Variants in ASTN1 observed in about 807,000 individuals in gnomAD.
ASTN1 encodes the protein astrotactin 1.
Under a neutral mutation model 140.7 loss-of-function variants are expected in ASTN1, and 41 were observed. That is an observed-to-expected ratio of 0.29 (90% CI 0.23 to 0.38). ASTN1 has a LOEUF of 0.38. Among genes scored for constraint, ASTN1 ranks in the 10% least tolerant of loss-of-function variants. ASTN1 has a pLI of 1.00. For missense variants in ASTN1, 1,479 were observed against 1,678.8 expected (o/e 0.88, Z 2.08); for synonymous variants, 640 against 652.2 (o/e 0.98, Z 0.29).
At chr1:176,897,823 A>T (rs1361771786) in intron 16 of ASTN1, among the ~76,000 whole-genome samples, 2 of 152,194 alleles carry the variant, frequency 1.3e-5, no homozygotes, top group Non-Finnish European at 2.9e-5. Flanking sequence ...TATCCTTAAC[A>T]TGGAGTAAAC....
chr1:177,053,212 G>A (rs1677626867), intron 2 of ASTN1, among the ~76,000 whole-genome samples: 1 of 152,184 alleles, frequency 6.6e-6, no homozygotes. Context: ...CTGAGTAGTT[G>A]AAAGTAAATT....
At chr1:176,939,068 C>T (rs1459712534) in intron 14 of ASTN1, among the ~76,000 whole-genome samples, 5 of 151,508 alleles carry the variant, frequency 3.3e-5, no homozygotes, top group South Asian at 2.1e-4. Flanking sequence ...GCTGAGCTCA[C>T]GCCATTGCAC....
Position 176,918,347 on chromosome 1 carries a change from T to C in ASTN1, c.2671+15805A>G, listed in dbSNP as rs1355277452. Among the ~76,000 whole-genome samples the C allele has an allele frequency of 2.0e-5, 3 of 152,302 alleles. No individual in the cohort carries two copies. The East Asian group carries it at 5.8e-4, about 29-fold the overall frequency. Reference sequence around the variant, plus strand: ...TTGCATCTCCAGCTCTGACTTCTCCTCTGAGCTCCAGACTTGCAAATCCAA... The same window carrying C: ...TTGCATCTCCAGCTCTGACTTCTCCCCTGAGCTCCAGACTTGCAAATCCAA... On this transcript the variant is annotated intron_variant, in intron 16 of 22. Coordinates refer to ENST00000361833, the MANE Select transcript of ASTN1 (RefSeq NM_004319.3).
chr1:177,054,075 C>CA (rs1677675917), intron 2 of ASTN1, among the ~76,000 whole-genome samples: 1 of 152,206 alleles, frequency 6.6e-6, no homozygotes, highest in Non-Finnish European at 1.5e-5. Context: ...TGTGTGCTCA[C>CA]TATGGGTCAG....
At chr1:177,147,910 A>T (rs999833173) in intron 1 of ASTN1, among the ~76,000 whole-genome samples, 1 of 152,130 alleles carries the variant, frequency 6.6e-6, no homozygotes, top group Non-Finnish European at 1.5e-5. Context: ...ACTTCCTCTG[A>T]ACATTTTCCA....
chr1:176,985,847 C>CTCT (rs1673874816), intron 8 of ASTN1, among the ~76,000 whole-genome samples: 53 of 47,978 alleles, frequency 1.1e-3, no homozygotes, highest in African/African-American at 7.6e-3. Flanking sequence ...TCTCTCTCTA[C>CTCT]ACACACACAC....
At chr1:176,888,507 A>G (rs1418539794) in intron 17 of ASTN1, among the ~76,000 whole-genome samples, 5 of 152,066 alleles carry the variant, frequency 3.3e-5, no homozygotes, top group Non-Finnish European at 7.4e-5. Context: ...CCACTCCATC[A>G]TTCCACAACT....
intron 20 of ASTN1, among the ~76,000 whole-genome samples, chr1:176,881,614 CA>C (rs923241613): frequency 3.0e-4 from 46 of 152,240 alleles, no homozygotes; most frequent in African/African-American, 1.0e-3. Flanking sequence ...TGCCCCCTAT[CA>C]AAAGAGCCAA....
In ASTN1 at chr1:177,131,717, A is replaced by G. The variant is rs528239975; in HGVS notation, c.283+32677T>C. Among the ~76,000 whole-genome samples, 109 of 152,338 alleles carry G rather than the reference A, an allele frequency of 7.2e-4. 1 individual carries two copies. The highest frequency in any genetic ancestry group is 1.5e-3 in the Non-Finnish European group (99 of 68,036). On this transcript the variant is annotated intron_variant, in intron 1 of 22. Transcript: ENST00000361833. Reference sequence around the variant, plus strand: ...TATAACAGAATACCTGAGAGCAGGTAGTTTATAAAGAAAAGAGACGTATTT... The same window carrying G: ...TATAACAGAATACCTGAGAGCAGGTGGTTTATAAAGAAAAGAGACGTATTT...
At chr1:177,003,224 T>C (rs1218972214) in intron 8 of ASTN1, among the ~76,000 whole-genome samples, 2 of 149,412 alleles carry the variant, frequency 1.3e-5, no homozygotes, top group Non-Finnish European at 3.0e-5. Context: ...TTACTGAAAA[T>C]AGACGCAAAA....
chr1:176,901,519 G>A (rs1669765479), intron 16 of ASTN1, among the ~76,000 whole-genome samples: 1 of 152,208 alleles, frequency 6.6e-6, no homozygotes. Context: ...GTTGGATGTA[G>A]CTCCGGGAGG....
chr1:177,113,831 G>T (rs1179762079), intron 1 of ASTN1, among the ~76,000 whole-genome samples: 1 of 152,208 alleles, frequency 6.6e-6, no homozygotes, highest in African/African-American at 2.4e-5. Context: ...GGTATGGAGA[G>T]AGTGAGGAGT....
intron 16 of ASTN1, among the ~76,000 whole-genome samples, chr1:176,932,220 T>C (rs928550727): frequency 2.0e-5 from 3 of 152,186 alleles, no homozygotes; most frequent in Non-Finnish European, 1.5e-5. Context: ...CAATAACATA[T>C]AATCAAAGGA....
At chr1:177,041,499 G>A (rs986442585) in intron 2 of ASTN1, among the ~76,000 whole-genome samples, 7 of 152,220 alleles carry the variant, frequency 4.6e-5, no homozygotes, top group Non-Finnish European at 8.8e-5. Flanking sequence ...CCCTCCATGG[G>A]CTGTGGGCAC....
intron 1 of ASTN1, among the ~76,000 whole-genome samples, chr1:177,107,322 A>C (rs1237129744): frequency 6.6e-6 from 1 of 152,234 alleles, no homozygotes; most frequent in Admixed American, 6.5e-5. Flanking sequence ...TTGAGCAAAT[A>C]AACAAGTAAT....
chr1:177,014,765 A>T, intron 8 of ASTN1, 26 bp downstream of exon 8: 1 of 1,590,656 alleles, frequency 6.3e-7, no homozygotes, highest in Middle Eastern at 1.7e-4. Flanking sequence ...TGTGGGAACC[A>T]GCTAAGTCGT....
chr1:176,994,553 G>A (rs1442183422), intron 8 of ASTN1, among the ~76,000 whole-genome samples: 1 of 152,120 alleles, frequency 6.6e-6, no homozygotes, highest in Non-Finnish European at 1.5e-5. Flanking sequence ...ATGTTGGCCA[G>A]GCTGGTCTCG....
At chr1:176,953,030 T>G (rs1462756646) in intron 11 of ASTN1, among the ~76,000 whole-genome samples, 3 of 152,178 alleles carry the variant, frequency 2.0e-5, no homozygotes, top group Admixed American at 2.0e-4. Flanking sequence ...ATACACAAGG[T>G]TAATCACCTT....
intron 1 of ASTN1, among the ~76,000 whole-genome samples, chr1:177,081,612 G>T (rs1679182957): frequency 1.3e-5 from 2 of 152,108 alleles, no homozygotes; most frequent in African/African-American, 4.8e-5. Context: ...AGACACCCTG[G>T]CCACATCTTG....
Sources: allele counts gnomAD v4.1 joint callset (sites outside exome capture counted in the v4.1 genomes callset), GRCh38; gene constraint gnomAD v4.1.1; transcripts MANE v1.5; gene names NCBI Gene and HGNC (gene_info 2026-07-23, HGNC 2026-07-21).